Variants in WWOX observed in about 807,000 individuals in gnomAD.
WWOX encodes WW domain-containing oxidoreductase.
WWOX carries 69 observed loss-of-function variants against 46.2 expected under a neutral mutation model. The observed-to-expected ratio is 1.49, with a 90% confidence interval of 1.23 to 1.82. The LOEUF (loss-of-function observed/expected upper bound fraction) is 1.82, where lower values mean the gene tolerates loss of function less well. Among genes scored for constraint, WWOX ranks in the 40% most tolerant of loss-of-function variants. The pLI is 0.00. For synonymous variants in WWOX, 359 were observed against 202.6 expected, an observed-to-expected ratio of 1.77 and a Z score of -6.56; for missense variants, 919 against 542.6, an observed-to-expected ratio of 1.69 and a Z score of -6.89.
At chr16:78,159,562 A>G (rs947629461) in intron 4 of WWOX, among the ~76,000 whole-genome samples, 8 of 150,214 alleles carry the variant, frequency 5.3e-5, no homozygotes, top group African/African-American at 9.8e-5. Flanking sequence ...TTCAATTTGC[A>G]TTTTCCTGAG....
chr16:78,511,491 C>G (rs1032547373), intron 8 of WWOX, among the ~76,000 whole-genome samples: 2 of 152,208 alleles, frequency 1.3e-5, no homozygotes, highest in Non-Finnish European at 2.9e-5. Context: ...GAGGGCAGGC[C>G]TGTTGCCCCC....
rs1334718975 is a variant in WWOX at position 78,138,009 on chromosome 16, C to T, written c.409+22855C>T. Among the ~76,000 whole-genome samples the T allele has an allele frequency of 2.0e-5, 3 of 150,646 alleles. 1 individual carries two copies. Among genetic ancestry groups the T allele is most frequent in the Non-Finnish European group, 4.4e-5 (3 of 67,570 alleles). On this transcript the variant is annotated intron_variant, in intron 4 of 8. Coordinates refer to ENST00000566780, the MANE Select transcript of WWOX (RefSeq NM_016373.4). ...TGTTCAAAGGAAACAGAACCTCGCT[C>T]AAGGAAAATGAGAATTCTTCTGATC...
intron 8 of WWOX, among the ~76,000 whole-genome samples, chr16:78,602,499 TG>T (rs1310521438): frequency 6.6e-6 from 1 of 152,210 alleles, no homozygotes; most frequent in Non-Finnish European, 1.5e-5. Context: ...CTCAAAGTGC[TG>T]GGATTACAGG....
At chr16:79,066,670 C>G (rs184538074) in intron 8 of WWOX, among the ~76,000 whole-genome samples, 2 of 152,346 alleles carry the variant, frequency 1.3e-5, no homozygotes, top group East Asian at 3.9e-4. Flanking sequence ...CCACTTAATT[C>G]AATCGGCGAA....
chr16:78,778,570 A>G (rs1403796668), intron 8 of WWOX, among the ~76,000 whole-genome samples: 1 of 152,100 alleles, frequency 6.6e-6, no homozygotes, highest in African/African-American at 2.4e-5. Context: ...GAGCGACGCA[A>G]TAGAAATTCA....
chr16:78,650,591 C>T (rs142857200), intron 8 of WWOX, among the ~76,000 whole-genome samples: 1 of 152,116 alleles, frequency 6.6e-6, no homozygotes, highest in Non-Finnish European at 1.5e-5. Flanking sequence ...TCACTCTGGT[C>T]TTTGAGATTA....
At chr16:78,124,575 C>G (rs181392489) in intron 4 of WWOX, among the ~76,000 whole-genome samples, 1 of 152,136 alleles carries the variant, frequency 6.6e-6, no homozygotes. Context: ...TCCAATAGCT[C>G]GCTTTTAGTT....
chr16:79,038,453 A>G (rs914126851), intron 8 of WWOX, among the ~76,000 whole-genome samples: 1 of 152,224 alleles, frequency 6.6e-6, no homozygotes, highest in African/African-American at 2.4e-5. Flanking sequence ...GCACAGAAAA[A>G]AAAGACTGGA....
At chr16:78,907,071 G>C in intron 8 of WWOX, among the ~76,000 whole-genome samples, 1 of 152,094 alleles carries the variant, frequency 6.6e-6, no homozygotes. Context: ...CTAAACGGGA[G>C]ACTGGAGCTT....
rs113232486 is a variant in WWOX at position 78,466,605 on chromosome 16, G to T, written c.1056+33853G>T. Among the ~76,000 whole-genome samples the T allele has an allele frequency of 1.4e-3, 208 of 152,218 alleles. 1 individual carries two copies. Among genetic ancestry groups the T allele is most frequent in the African/African-American group, 4.8e-3 (199 of 41,544 alleles). On this transcript the variant is annotated intron_variant, in intron 8 of 8. Transcript: ENST00000566780. ...AGCACTTTGGGAGGCTGAGGTGGGT[G>T]GATCACTTGAGGTCAGGAGTTCGAG...
At chr16:78,431,011 G>A (rs1435805396) in intron 7 of WWOX, among the ~76,000 whole-genome samples, 2 of 152,080 alleles carry the variant, frequency 1.3e-5, no homozygotes, top group Admixed American at 6.6e-5. Flanking sequence ...TCATTACCCG[G>A]TGCCCAGAAT....
chr16:78,986,148 T>A (rs1249318776), intron 8 of WWOX, among the ~76,000 whole-genome samples: 1 of 152,220 alleles, frequency 6.6e-6, no homozygotes, highest in African/African-American at 2.4e-5. Context: ...CATTCCTGGT[T>A]CTGTCAGCAT....
At chr16:78,323,609 C>G (rs980283942) in intron 5 of WWOX, among the ~76,000 whole-genome samples, 44 of 152,240 alleles carry the variant, frequency 2.9e-4, no homozygotes, top group African/African-American at 9.9e-4. Context: ...GAATCATGCC[C>G]ACTATTTGGT....
intron 8 of WWOX, among the ~76,000 whole-genome samples, chr16:78,770,574 A>G (rs1005213055): frequency 3.9e-5 from 6 of 152,132 alleles, no homozygotes; most frequent in Admixed American, 1.3e-4. Flanking sequence ...CTGTGGTGCC[A>G]GGGAAGGACG....
intron 4 of WWOX, among the ~76,000 whole-genome samples, chr16:78,146,179 T>G (rs10153091): frequency 6.6e-6 from 1 of 151,930 alleles, no homozygotes; most frequent in Non-Finnish European, 1.5e-5. Context: ...TTGGGATCTT[T>G]TGGGGAGTAC....
chr16:79,041,126 C>G (rs2047963268), intron 8 of WWOX, among the ~76,000 whole-genome samples: 1 of 152,106 alleles, frequency 6.6e-6, no homozygotes, highest in Admixed American at 6.5e-5. Flanking sequence ...TAATGTAACA[C>G]ACCTATTGGC....
chr16:78,616,273 T>C (rs1235920478), intron 8 of WWOX, among the ~76,000 whole-genome samples: 1 of 152,100 alleles, frequency 6.6e-6, no homozygotes, highest in African/African-American at 2.4e-5. Flanking sequence ...TTTTTTGGGC[T>C]GCTATAACAA....
intron 8 of WWOX, among the ~76,000 whole-genome samples, chr16:78,517,322 C>G (rs969741442): frequency 7.0e-6 from 1 of 143,480 alleles, no homozygotes; most frequent in Non-Finnish European, 1.5e-5. Flanking sequence ...ACCCACCCAC[C>G]CACCCCTTTA....
chr16:78,790,336 T>C (rs1364561259), intron 8 of WWOX, among the ~76,000 whole-genome samples: 1 of 151,802 alleles, frequency 6.6e-6, no homozygotes, highest in South Asian at 2.1e-4. Context: ...GGTTTCATCA[T>C]GTTGGCCAGG....
Sources: allele counts gnomAD v4.1 joint callset (sites outside exome capture counted in the v4.1 genomes callset), GRCh38; gene constraint gnomAD v4.1.1; transcripts MANE v1.5; gene names NCBI Gene and HGNC (gene_info 2026-07-23, HGNC 2026-07-21).